EMILIN2: variants seen among roughly 807,000 people sequenced by gnomAD.
The protein encoded by EMILIN2 is EMILIN-2.
Under a neutral mutation model 87.1 loss-of-function variants are expected in EMILIN2, and 71 were observed. The observed-to-expected ratio is 0.82, with a 90% CI of 0.67 to 0.99. EMILIN2 has a LOEUF of 0.99. Among genes scored for constraint, EMILIN2 ranks in the 50% least tolerant of loss-of-function variants. EMILIN2 has a pLI of 0.00. For missense variants in EMILIN2, 1,407 were observed against 1,371.8 expected (o/e 1.03, Z -0.40); for synonymous variants, 581 against 563.4 (o/e 1.03, Z -0.44).
At chr18:2,857,750 C>T (rs937709333) in intron 2 of EMILIN2, among the ~76,000 whole-genome samples, 3 of 152,154 alleles carry the variant, frequency 2.0e-5, no homozygotes, top group African/African-American at 7.2e-5. Context: ...ACCTTGAGTC[C>T]GGTCTGTTGT....
intron 4 of EMILIN2, among the ~76,000 whole-genome samples, chr18:2,905,381 G>T (rs1273189439): frequency 6.7e-6 from 1 of 149,782 alleles, no homozygotes; most frequent in Admixed American, 6.7e-5. Context: ...GTACAGAGTA[G>T]ATATATATAT....
At chr18:2,883,590 G>A (rs570017411) in intron 2 of EMILIN2, among the ~76,000 whole-genome samples, 3 of 152,350 alleles carry the variant, frequency 2.0e-5, no homozygotes, top group South Asian at 2.1e-4. Context: ...GGGCCGCTGC[G>A]GGGGCTGAAC....
At chr18:2,902,978 C>A (rs140947753) in intron 4 of EMILIN2, among the ~76,000 whole-genome samples, 1 of 152,204 alleles carries the variant, frequency 6.6e-6, no homozygotes, top group Non-Finnish European at 1.5e-5. Flanking sequence ...GTTTGGGTGG[C>A]CTGTGCTTTG....
At chr18:2,868,669 G>T (rs575831616) in intron 2 of EMILIN2, among the ~76,000 whole-genome samples, 1 of 152,252 alleles carries the variant, frequency 6.6e-6, no homozygotes, top group Non-Finnish European at 1.5e-5. Flanking sequence ...GGGGGCGCGC[G>T]CCTGCAATCG....
chr18:2,853,267 A>C (rs1235183326), intron 2 of EMILIN2, among the ~76,000 whole-genome samples: 1 of 150,096 alleles, frequency 6.7e-6, no homozygotes, highest in Non-Finnish European at 1.5e-5. Context: ...ATTAATCCTA[A>C]AAACCCTTGG....
chr18:2,906,795 C>CCCCGCCG lies in EMILIN2; in HGVS notation c.2378_2384dup (p.Glu796AlafsTer127). 1 of 1,286,418 alleles carries CCCCGCCG rather than the reference C, an allele frequency of 7.8e-7. No homozygotes were observed. Among genetic ancestry groups the CCCCGCCG allele is most frequent in the Non-Finnish European group, 9.8e-7 (1 of 1,023,170 alleles). 79.7% of individuals were successfully genotyped at this position (1,286,418 alleles called of 1,614,324 possible). The stretch of plus-strand genomic sequence containing the variant: ...CGACGCCCGGCAGAGGCGCCCTCGC[C>CCCCGCCG]CCCGCCGCCCGCAGAGGCCCCGAAG... On this transcript the variant is annotated frameshift_variant, in exon 5 of 8. Transcript: ENST00000254528. LOFTEE classifies it high-confidence loss of function.
In EMILIN2 at chr18:2,913,415, GA is replaced by G. The variant is rs1293544648; in HGVS notation, c.*12del. 1.9e-6 allele frequency: 3 copies of G among 1,557,620 alleles called. No homozygotes were observed. The African/African-American group carries it at 4.1e-5, about 21-fold the overall frequency. ...CTTTCCCACCTCTAAGGTGGCTGGGGAGATGTCAGGGGAAAGATAGATAGTT... is the reference window on the plus strand; with the variant it reads ...CTTTCCCACCTCTAAGGTGGCTGGGGGATGTCAGGGGAAAGATAGATAGTT... On this transcript the variant is annotated 3_prime_UTR_variant, in exon 8 of 8. Coordinates refer to ENST00000254528, the MANE Select transcript of EMILIN2 (RefSeq NM_032048.3).
intron 2 of EMILIN2, among the ~76,000 whole-genome samples, chr18:2,873,650 T>G (rs190926470): frequency 2.0e-5 from 3 of 151,870 alleles, no homozygotes; most frequent in African/African-American, 7.3e-5. Flanking sequence ...GAGCTTGCAG[T>G]GAGCCAAGAT....
At position 2,913,359 on chromosome 18, in the gene EMILIN2, C is replaced by T. The variant is rs61377307; in HGVS notation, c.3117C>T (p.Ser1039=). 3.2e-3 allele frequency: 5,231 copies of T among 1,611,254 alleles called. 149 individuals carry two copies. The African/African-American group carries it at 0.061, about 19-fold the overall frequency. The change falls in exon 8 of 8, where the codon TCC becomes TCT. Residue 1039 remains serine (S), a synonymous_variant. Coordinates refer to ENST00000254528, the MANE Select transcript of EMILIN2 (RefSeq NM_032048.3). ...ACACAGACTTTGATGAAATGTACTC[C>T]ACATTTAGTGGGGTTTTCTTATATC... is the stretch of plus-strand genomic sequence containing the variant. ...LAHTDFDEMY[S]TFSGVFLYPF...
At position 2,914,968 on chromosome 18, in the gene EMILIN2, C is replaced by G. The variant is rs1473492231; in HGVS notation, c.*1564C>G. On this transcript the variant is annotated 3_prime_UTR_variant, in exon 8 of 8. Transcript: ENST00000254528. The stretch of plus-strand genomic sequence containing the variant: ...ATCCTTGGCTGTCCTAGGAATGACT[C>G]ATGGAAAGCGCCCCAGTGCAGCAGT... 1 of 152,296 alleles carries G rather than the reference C, an allele frequency of 6.6e-6. No individual in the cohort carries two copies. The highest frequency in any genetic ancestry group is 1.5e-5 in the Non-Finnish European group (1 of 68,098). 9.4% of individuals were successfully genotyped at this position (152,296 alleles called of 1,614,324 possible). A position where few individuals can be genotyped will look rare whatever the true frequency, so the allele number is the denominator to read the frequency against.
Position 2,906,792 on chromosome 18 carries a change from C to T in EMILIN2, c.2369C>T (p.Ser790Leu), listed in dbSNP as rs2076914896. ...VKFQPSAKAP[S>L]PPPPAEAPKE... ...CCCCGACGCCCGGCAGAGGCGCCCT[C>T]GCCCCCGCCGCCCGCAGAGGCCCCG... Residue 790 changes from serine to leucine, a missense_variant, in exon 5 of 8, where the codon TCG becomes TTG. Ser to Leu is a moderately radical substitution (Grantham distance 145). Coordinates refer to ENST00000254528, the MANE Select transcript of EMILIN2 (RefSeq NM_032048.3). The T allele has an allele frequency of 7.9e-7, 1 of 1,264,246 alleles. No homozygotes were observed. Among genetic ancestry groups the T allele is most frequent in the Non-Finnish European group, 9.9e-7 (1 of 1,009,644 alleles). 78.3% of individuals were successfully genotyped at this position (1,264,246 alleles called of 1,614,324 possible).
rs143828958 is a variant in EMILIN2 at position 2,877,556 on chromosome 18, C to T, written c.258-7408C>T. Among the ~76,000 whole-genome samples, 1,039 of 151,394 alleles carry T rather than the reference C, an allele frequency of 6.9e-3. 9 individuals carry two copies. The highest frequency in any genetic ancestry group is 0.024 in the African/African-American group (998 of 41,260). ...ACTTTGGGAGGCTGAGGTGGGCGGA[C>T]CACCTGAGGTCAGTAGTTGAGACCA... On this transcript the variant is annotated intron_variant, in intron 2 of 7. Coordinates refer to ENST00000254528, the MANE Select transcript of EMILIN2 (RefSeq NM_032048.3).
intron 4 of EMILIN2, among the ~76,000 whole-genome samples, chr18:2,897,692 C>G (rs935181098): frequency 1.3e-5 from 2 of 152,100 alleles, no homozygotes; most frequent in East Asian, 3.9e-4. Context: ...ACAGTGAGAT[C>G]CTGTCTGTAC....
rs2076963019 is a variant in EMILIN2 at position 2,915,477 on chromosome 18, C to CA, written c.*2074dup. The CA allele has an allele frequency of 6.6e-6, 1 of 151,882 alleles. No homozygotes were observed. 9.4% of individuals were successfully genotyped at this position (151,882 alleles called of 1,614,324 possible). On this transcript the variant is annotated 3_prime_UTR_variant, in exon 8 of 8. Coordinates refer to ENST00000254528, the MANE Select transcript of EMILIN2 (RefSeq NM_032048.3). ...CCTGAAGTAGTGCCTGCGAGTCAGT[C>CA]AGAGGCATACCAAACCCTGAGACAG...
At chr18:2,846,662 T>G (rs2076574974), upstream of EMILIN2, 2 of 706,430 alleles carry the variant, frequency 2.8e-6, no homozygotes, top group Non-Finnish European at 1.7e-6. This position sits in a 1 kb window ranked among gnomAD's most constrained non-coding sequence, Gnocchi z 5.3. Context: ...CCCGGGAGGC[T>G]GGCACCCAGG....
chr18:2,892,755 T>C (rs2076845331), intron 4 of EMILIN2, among the ~76,000 whole-genome samples: 1 of 151,210 alleles, frequency 6.6e-6, no homozygotes, highest in Admixed American at 6.6e-5. Flanking sequence ...TAGGAACTTC[T>C]AAAATAATTT....
At chr18:2,902,425 A>T (rs911109585) in intron 4 of EMILIN2, among the ~76,000 whole-genome samples, 1 of 152,180 alleles carries the variant, frequency 6.6e-6, no homozygotes, top group Non-Finnish European at 1.5e-5. Flanking sequence ...CCTGGTGCAG[A>T]GGCAGGACTG....
intron 3 of EMILIN2, among the ~76,000 whole-genome samples, chr18:2,885,573 C>T (rs978627508): frequency 6.6e-6 from 1 of 152,186 alleles, no homozygotes; most frequent in Admixed American, 6.5e-5. Flanking sequence ...GGCTGGAGTG[C>T]AGTGGCGCAA....
At chr18:2,908,512 C>T (rs559439958) in intron 5 of EMILIN2, among the ~76,000 whole-genome samples, 51 of 152,338 alleles carry the variant, frequency 3.3e-4, no homozygotes, top group African/African-American at 1.2e-3. Context: ...TCTATTTGTC[C>T]CTCCACTTCT....
Sources: gnomAD v4.1 joint callset for allele counts (sites outside exome capture counted in the v4.1 genomes callset) on GRCh38, gnomAD v4.1.1 for gene constraint, Gnocchi (gnomAD v3.1) non-coding constraint, MANE v1.5 for transcripts, NCBI Gene and HGNC (gene_info 2026-07-23, HGNC 2026-07-21) for gene names.